ABCC6: variants seen among roughly 807,000 people sequenced by gnomAD.
ABCC6 encodes ATP binding cassette subfamily C member 6, also known as ATP-binding cassette sub-family C member 6.
In ABCC6, 126 loss-of-function variants were observed where a neutral mutation model predicts 169.5. The ratio of observed to expected loss-of-function variants is 0.74; its 90% CI spans 0.64 to 0.86. The LOEUF (loss-of-function observed/expected upper bound fraction) is 0.86. ABCC6 is among the 40% of genes least tolerant of loss of function. The pLI, the probability that ABCC6 is intolerant of heterozygous loss-of-function variation, is 0.00. For synonymous variants in ABCC6, 752 were observed against 814.7 expected, an observed-to-expected ratio of 0.92 and a Z score of 1.31; for missense variants, 1,733 against 1,927.2, an observed-to-expected ratio of 0.90 and a Z score of 1.89.
intron 6 of ABCC6, 73 bp downstream of exon 6, chr16:16,212,112 A>G (rs2048647975): frequency 1.4e-6 from 1 of 726,706 alleles, no homozygotes; most frequent in East Asian, 3.0e-5. Context: ...GGGAAGGGCC[A>G]TGGCTGGGAA....
At chr16:16,194,539 T>C (rs1347961137) in intron 10 of ABCC6, among the ~76,000 whole-genome samples, 1 of 152,020 alleles carries the variant, frequency 6.6e-6, no homozygotes. Context: ...AAGTGGGGGG[T>C]AGAATAAATG....
intron 17 of ABCC6, among the ~76,000 whole-genome samples, 159 bp from the exon 18 acceptor site, chr16:16,179,124 C>T (rs2047388994): frequency 6.6e-6 from 1 of 152,190 alleles, no homozygotes; most frequent in African/African-American, 2.4e-5. Flanking sequence ...GGCACTCGCT[C>T]TCAAGCCAAC....
At position 16,221,777 on chromosome 16, in the gene ABCC6, A is replaced by C; in HGVS notation, c.91T>G (p.Phe31Val). Residue 31 changes from phenylalanine to valine, a missense_variant, in exon 2 of 31, where the codon TTC becomes GTC. Around this residue, in one of 5 missense-constraint regions of ABCC6, gnomAD observed 66 missense variants for 69.5 expected, o/e 0.95. Coordinates refer to ENST00000205557, the MANE Select transcript of ABCC6 (RefSeq NM_001171.6). ...ACCCAGACCCCTGCTGTTCTCAGGAAGCACAGGCTCAGCAGGCTGGTGGCG... is the reference window on the plus strand; with the variant it reads ...ACCCAGACCCCTGCTGTTCTCAGGACGCACAGGCTCAGCAGGCTGGTGGCG... ...PAATSLLSLC[F>V]LRTAGVWVPP... is the part of the protein sequence containing the mutation. The C allele has an allele frequency of 6.2e-7, 1 of 1,613,718 alleles. No homozygotes were observed. Among genetic ancestry groups the C allele is most frequent in the East Asian group, 2.2e-5 (1 of 44,872 alleles).
chr16:16,181,041 C>T (rs1015635278), intron 17 of ABCC6, among the ~76,000 whole-genome samples: 10 of 152,154 alleles, frequency 6.6e-5, no homozygotes, highest in East Asian at 1.9e-4. Flanking sequence ...CAGGGGCTCA[C>T]GCCTGTAATC....
At position 16,165,766 on chromosome 16, in the gene ABCC6, C is replaced by G; in HGVS notation, c.3163G>C (p.Val1055Leu). The G allele has an allele frequency of 6.2e-7, 1 of 1,613,792 alleles. No individual in the cohort carries two copies. The highest frequency in any genetic ancestry group is 1.1e-5 in the South Asian group (1 of 91,086). ...LNRFSKETDT[V>L]DVDIPDKLRS... ...AGTTTGTCTGGAATGTCCACGTCAA[C>G]CGTGTCTGTCTCCTTGGAGAAGCGG... The change falls in exon 23 of 31, where the codon GTT becomes CTT. Residue 1055 changes from valine to leucine, a missense_variant. Physicochemically the swap from Val to Leu is conservative, Grantham distance 32. This residue lies in a region of ABCC6 where 1,601 missense variants were observed against 1,635.5 expected (regional missense o/e 0.98). Transcript: ENST00000205557.
intron 21 of ABCC6, chr16:16,172,975 G>A (rs1389255901): frequency 7.8e-5 from 32 of 407,872 alleles, no homozygotes; most frequent in Non-Finnish European, 1.3e-4. Context: ...CCAGGAGGTC[G>A]AGGCTGCAGT....
At chr16:16,201,070 G>A (rs1309445214) in intron 9 of ABCC6, among the ~76,000 whole-genome samples, 3 of 152,122 alleles carry the variant, frequency 2.0e-5, no homozygotes, top group African/African-American at 4.8e-5. Flanking sequence ...GGGTTCAAGC[G>A]ATTCTCCTGT....
intron 21 of ABCC6, among the ~76,000 whole-genome samples, chr16:16,171,127 C>A (rs1221382881): frequency 6.6e-6 from 1 of 151,822 alleles, no homozygotes; most frequent in Non-Finnish European, 1.5e-5. Context: ...ATGACTGGTT[C>A]CTTCACACAT....
chr16:16,192,744 A>G, intron 11 of ABCC6, 86 bp downstream of exon 11: 2 of 1,300,684 alleles, frequency 1.5e-6, no homozygotes, highest in Non-Finnish European at 2.2e-6. Flanking sequence ...GCTCGCACTC[A>G]GCTCTCCCCT....
intron 29 of ABCC6, among the ~76,000 whole-genome samples, chr16:16,151,529 A>G (rs963838138): frequency 6.6e-6 from 1 of 152,192 alleles, no homozygotes; most frequent in Admixed American, 6.5e-5. Context: ...AGTCTTCCTA[A>G]GACATTCAAG....
At chr16:16,175,780 G>C (rs966539501) in intron 20 of ABCC6, 131 bp downstream of exon 20, 75 of 1,072,750 alleles carry the variant, frequency 7.0e-5, no homozygotes, top group Non-Finnish European at 9.9e-5. Flanking sequence ...GCACCATGGG[G>C]GGGACTTCAG....
chr16:16,198,027 G>A lies in ABCC6; in HGVS notation c.1332C>T (p.Leu444=), dbSNP rs1404302590. ...LVWIVVCFVY[L]WQLLGPSALT... ...TCTTCCTCCTCTGGCATACCTGCCA[G>A]AGATAGACGAAGCAGACCACGATCC... Residue 444 remains leucine (L), a synonymous_variant, in exon 10 of 31, where the codon CTC becomes CTT. Coordinates refer to ENST00000205557, the MANE Select transcript of ABCC6 (RefSeq NM_001171.6). 3 of 1,614,030 alleles carry A rather than the reference G, an allele frequency of 1.9e-6. No individual in the cohort carries two copies. The highest frequency in any genetic ancestry group is 3.3e-5 in the Admixed American group (2 of 59,998).
At chr16:16,190,685 CT>C (rs1354931045) in intron 11 of ABCC6, among the ~76,000 whole-genome samples, 680 of 141,910 alleles carry the variant, frequency 4.8e-3, no homozygotes, top group Admixed American at 5.2e-3. Context: ...TGAGCTACGT[CT>C]TTTTTTTTTT....
intron 2 of ABCC6, chr16:16,221,303 A>G (rs2049062286): frequency 4.5e-6 from 6 of 1,338,338 alleles, no homozygotes; most frequent in Non-Finnish European, 5.8e-6. Flanking sequence ...TAACTTTTTA[A>G]AAGGTTCATC....
At chr16:16,200,662 A>C (rs61444008) in intron 9 of ABCC6, among the ~76,000 whole-genome samples, 39,641 of 127,932 alleles carry the variant, frequency 0.31, 7,042 homozygotes, top group Middle Eastern at 0.39. Context: ...TCTGGCAGGA[A>C]AGCATCAAGA....
At chr16:16,222,750 C>G (rs1455155923) in intron 1 of ABCC6, among the ~76,000 whole-genome samples, 1 of 151,468 alleles carries the variant, frequency 6.6e-6, no homozygotes, top group African/African-American at 2.4e-5. Context: ...GTTTAGTGGA[C>G]GTGGCCTCTT....
intron 22 of ABCC6, 146 bp from the exon 23 acceptor site, chr16:16,166,079 C>T (rs1163108601): frequency 6.3e-6 from 5 of 797,658 alleles, no homozygotes; most frequent in Non-Finnish European, 7.9e-6. Context: ...GAGACAGGGT[C>T]TCACTCTGTC....
intron 4 of ABCC6, among the ~76,000 whole-genome samples, chr16:16,216,042 C>T (rs2048860423): frequency 6.6e-6 from 1 of 152,136 alleles, no homozygotes; most frequent in Admixed American, 6.5e-5. Context: ...GCCTTAGCCT[C>T]CTGAGTATCT....
intron 26 of ABCC6, among the ~76,000 whole-genome samples, chr16:16,158,441 G>C (rs62030282): frequency 0.21 from 31,244 of 151,054 alleles, 3,943 homozygotes; most frequent in South Asian, 0.46. Flanking sequence ...ATCCATCCAT[G>C]CATCCATCCA....
Sources: gnomAD v4.1 joint callset for allele counts (sites outside exome capture counted in the v4.1 genomes callset) on GRCh38, gnomAD v4.1.1 for gene constraint, gnomAD v4.1.1 regional missense constraint, MANE v1.5 for transcripts, NCBI Gene and HGNC (gene_info 2026-07-23, HGNC 2026-07-21) for gene names.